The following DOCK11 variants were observed in gnomAD, a reference collection of about 807,000 sequenced individuals.
DOCK11 encodes the protein dedicator of cytokinesis 11.
In DOCK11, 70 loss-of-function variants were observed where a neutral mutation model predicts 169.1. The observed-to-expected ratio is 0.41, with a 90% CI of 0.34 to 0.51. The LOEUF (loss-of-function observed/expected upper bound fraction) is 0.51, where lower values mean the gene tolerates loss of function less well. Ranked by LOEUF, DOCK11 falls within the 20% of genes least tolerant of loss-of-function variation. DOCK11 has a pLI of 0.10. For missense variants in DOCK11, 1,166 were observed against 1,538.8 expected (o/e 0.76, Z 4.05); for synonymous variants, 529 against 541.3 (o/e 0.98, Z 0.32).
chrX:118,538,801 C>A (rs1479588044), intron 1 of DOCK11: 13 of 308,390 alleles, frequency 4.2e-5, no homozygotes, highest in Non-Finnish European at 4.7e-5. Context: ...GAAAGAAAGA[C>A]CCTCTTTGAG....
At chrX:118,528,799 A>G (rs1330835625) in intron 1 of DOCK11, among the ~76,000 whole-genome samples, 1 of 93,473 alleles carries the variant, frequency 1.1e-5, no homozygotes, top group Non-Finnish European at 2.1e-5. Flanking sequence ...CACATTTAGC[A>G]CACAGACTAA....
intron 46 of DOCK11, among the ~76,000 whole-genome samples, chrX:118,672,323 C>G (rs1286855140): frequency 8.9e-6 from 1 of 112,832 alleles, no homozygotes; most frequent in African/African-American, 3.2e-5. Flanking sequence ...ATTCAAGTCT[C>G]TTAGTCCATA....
At chrX:118,504,736 G>A (rs765744329) in intron 1 of DOCK11, among the ~76,000 whole-genome samples, 1 of 111,661 alleles carries the variant, frequency 9.0e-6, no homozygotes, top group Non-Finnish European at 1.9e-5. Context: ...GGTAACATTG[G>A]CCTGCCGTTT....
At chrX:118,643,392 G>A (rs192418615) in intron 39 of DOCK11, 65 bp from the exon 40 acceptor site, 2 of 1,051,898 alleles carry the variant, frequency 1.9e-6, no homozygotes, top group Admixed American at 2.9e-5. Flanking sequence ...TCATAAACAG[G>A]TATTGGTGAA....
intron 27 of DOCK11, among the ~76,000 whole-genome samples, chrX:118,609,652 A>G (rs2014630409): frequency 8.9e-6 from 1 of 112,074 alleles, no homozygotes; most frequent in South Asian, 3.7e-4. Flanking sequence ...TTACCTTTGA[A>G]GCTTTGCCTT....
At chrX:118,615,740 G>A in intron 30 of DOCK11, 29 bp downstream of exon 30, 2 of 1,127,041 alleles carry the variant, frequency 1.8e-6, no homozygotes, top group South Asian at 1.9e-5. Context: ...CATCATTTGA[G>A]TTTGTTTTTT....
chrX:118,524,530 A>G (rs990928759), intron 1 of DOCK11, among the ~76,000 whole-genome samples: 2 of 111,737 alleles, frequency 1.8e-5, no homozygotes, highest in African/African-American at 6.5e-5. Context: ...GAACTCCTAT[A>G]ATGCAACAAC....
intron 38 of DOCK11, 131 bp from the exon 39 acceptor site, chrX:118,641,059 G>A: frequency 4.0e-6 from 2 of 497,562 alleles, no homozygotes; most frequent in East Asian, 3.8e-5. Flanking sequence ...AAAGTGCTGG[G>A]ATTACAGGCA....
chrX:118,670,030 CTT>C (rs1242500453), intron 45 of DOCK11, among the ~76,000 whole-genome samples: 3 of 111,839 alleles, frequency 2.7e-5, no homozygotes, highest in African/African-American at 9.8e-5. Flanking sequence ...TCTGCAATGA[CTT>C]TATTTTCAAA....
chrX:118,582,299 C>T (rs1034738706), intron 14 of DOCK11, among the ~76,000 whole-genome samples: 2 of 111,825 alleles, frequency 1.8e-5, no homozygotes, highest in Non-Finnish European at 3.8e-5. Flanking sequence ...CAAGTTCACA[C>T]AGCATGTGGC....
intron 33 of DOCK11, 142 bp downstream of exon 33, chrX:118,627,721 C>T (rs1445240640): frequency 4.4e-6 from 2 of 454,541 alleles, no homozygotes; most frequent in East Asian, 4.0e-5. Flanking sequence ...CTGACTTATA[C>T]TTGCAGTCAA....
At chrX:118,672,624 G>A (rs138152231) in intron 46 of DOCK11, among the ~76,000 whole-genome samples, 6,196 of 111,856 alleles carry the variant, frequency 0.055, 186 homozygotes, top group Non-Finnish European at 0.084. Flanking sequence ...TTTAGTAGAG[G>A]CAGGGTTTCA....
At chrX:118,528,977 T>C (rs867221081) in intron 1 of DOCK11, among the ~76,000 whole-genome samples, 6 of 108,323 alleles carry the variant, frequency 5.5e-5, no homozygotes, top group South Asian at 4.1e-4. Flanking sequence ...CTGTTTACTT[T>C]TTCTTTTTTT....
intron 6 of DOCK11, among the ~76,000 whole-genome samples, chrX:118,548,988 G>A (rs1426269313): frequency 9.0e-6 from 1 of 110,669 alleles, no homozygotes; most frequent in Non-Finnish European, 1.9e-5. Flanking sequence ...GCAACCTGGT[G>A]ACCACATAGC....
At chrX:118,561,573 T>A (rs2012910795) in intron 7 of DOCK11, 56 bp downstream of exon 7, 1 of 1,104,107 alleles carries the variant, frequency 9.1e-7, no homozygotes, top group Non-Finnish European at 1.2e-6. Flanking sequence ...GATAAACTTT[T>A]AAGAACCCCA....
intron 1 of DOCK11, among the ~76,000 whole-genome samples, chrX:118,519,381 C>T (rs1462077174): frequency 6.3e-5 from 7 of 111,491 alleles, no homozygotes; most frequent in Non-Finnish European, 1.1e-4. Context: ...AACCCCATCT[C>T]TACTAAAAAT....
intron 22 of DOCK11, 112 bp from the exon 23 acceptor site, chrX:118,599,027 T>C (rs1470339812): frequency 1.5e-5 from 9 of 592,064 alleles, no homozygotes; most frequent in Non-Finnish European, 2.5e-5. Context: ...AGCCTGGGCA[T>C]TAGAATACCG....
chrX:118,667,142 C>G (rs984451837), intron 45 of DOCK11, among the ~76,000 whole-genome samples: 8 of 111,645 alleles, frequency 7.2e-5, no homozygotes, highest in African/African-American at 2.6e-4. Context: ...CTGTATATTT[C>G]TTTACCAGCT....
chrX:118,559,506 A>C (rs1175384565), intron 6 of DOCK11, among the ~76,000 whole-genome samples: 1 of 112,058 alleles, frequency 8.9e-6, no homozygotes, highest in Admixed American at 9.5e-5. Context: ...ATACAAAGTT[A>C]GTGTTCATTA....
Sources: gnomAD v4.1 joint callset for allele counts (sites outside exome capture counted in the v4.1 genomes callset) on GRCh38, gnomAD v4.1.1 for gene constraint, MANE v1.5 for transcripts, NCBI Gene and HGNC (gene_info 2026-07-23, HGNC 2026-07-21) for gene names.